Variants in ROR2 observed in about 807,000 individuals in gnomAD.
ROR2 encodes ROR family WNT receptor 2, also known as tyrosine-protein kinase transmembrane receptor ROR2.
ROR2 carries 33 observed loss-of-function variants against 74.9 expected under a neutral mutation model. That is an observed-to-expected ratio of 0.44 (90% CI 0.33 to 0.59). The LOEUF is 0.59. Ranked by LOEUF, ROR2 falls within the 20% of genes least tolerant of loss-of-function variation. The probability of loss-of-function intolerance (pLI) is 0.02; values close to 1 mark genes in which losing one functional copy is unlikely to be tolerated. For synonymous variants in ROR2, 586 were observed against 558.7 expected, an observed-to-expected ratio of 1.05 and a Z score of -0.69; for missense variants, 1,216 against 1,313.8, an observed-to-expected ratio of 0.93 and a Z score of 1.15.
At chr9:91,776,390 C>T (rs1190026026) in intron 1 of ROR2, among the ~76,000 whole-genome samples, 1 of 152,184 alleles carries the variant, frequency 6.6e-6, no homozygotes, top group African/African-American at 2.4e-5. Flanking sequence ...TTACCCGTCC[C>T]CAAAAGCCAA....
At position 91,798,396 on chromosome 9, in the gene ROR2, G is replaced by A. The variant is rs114237636; in HGVS notation, c.98-22578C>T. Among the ~76,000 whole-genome samples, 65 of 114,368 alleles carry A rather than the reference G, an allele frequency of 5.7e-4. 3 individuals carry two copies. The highest frequency in any genetic ancestry group is 2.5e-3 in the African/African-American group (61 of 24,724). The allele number at this position is 114,368 out of a possible 152,430, so 75.0% of individuals were successfully genotyped here. ...GGAATGACACCCTGGGCTAGTGGGCGGGGCTGACACCCTGGGCTCTGTGGG... is the reference window on the plus strand; with the variant it reads ...GGAATGACACCCTGGGCTAGTGGGCAGGGCTGACACCCTGGGCTCTGTGGG... On this transcript the variant is annotated intron_variant, in intron 1 of 8. Transcript: ENST00000375708.
At chr9:91,892,158 G>C (rs1026866200) in intron 1 of ROR2, among the ~76,000 whole-genome samples, 6 of 151,852 alleles carry the variant, frequency 4.0e-5, no homozygotes, top group Non-Finnish European at 8.8e-5. Context: ...AAGGGCTCCT[G>C]TGATGAAGCC....
chr9:91,795,015 C>T (rs1237885113), intron 1 of ROR2, among the ~76,000 whole-genome samples: 2 of 150,282 alleles, frequency 1.3e-5, no homozygotes, highest in African/African-American at 2.4e-5. Context: ...CCAGCTACTC[C>T]GGAGGTTGAG....
At chr9:91,887,352 A>G (rs1461340358) in intron 1 of ROR2, among the ~76,000 whole-genome samples, 1 of 152,208 alleles carries the variant, frequency 6.6e-6, no homozygotes, top group Non-Finnish European at 1.5e-5. Flanking sequence ...TTATATTAAT[A>G]TAGTACTTCC....
chr9:91,894,435 C>T (rs575748436), intron 1 of ROR2, among the ~76,000 whole-genome samples: 35 of 152,246 alleles, frequency 2.3e-4, no homozygotes, highest in African/African-American at 8.2e-4. Flanking sequence ...CATATAAATT[C>T]CTATTTCTTG....
At chr9:91,943,545 T>G (rs963724089) in intron 1 of ROR2, among the ~76,000 whole-genome samples, 1 of 152,136 alleles carries the variant, frequency 6.6e-6, no homozygotes, top group Non-Finnish European at 1.5e-5. Context: ...ACACTTCTTA[T>G]CTGTCTAATC....
At chr9:91,746,264 A>G (rs1473763141) in intron 4 of ROR2, among the ~76,000 whole-genome samples, 1 of 152,042 alleles carries the variant, frequency 6.6e-6, no homozygotes, top group Non-Finnish European at 1.5e-5. Flanking sequence ...TTTAGTAGAA[A>G]GAGGGTTTCA....
chr9:91,832,106 TC>T (rs2119187500), intron 1 of ROR2, among the ~76,000 whole-genome samples: 1 of 152,006 alleles, frequency 6.6e-6, no homozygotes, highest in African/African-American at 2.4e-5. Flanking sequence ...GGAATGGAGA[TC>T]CCCTAATGAA....
At chr9:91,842,613 T>C (rs2119220219) in intron 1 of ROR2, among the ~76,000 whole-genome samples, 1 of 152,374 alleles carries the variant, frequency 6.6e-6, no homozygotes, top group South Asian at 2.1e-4. Context: ...ACAGCTTCTC[T>C]GCCTCTGAGG....
chr9:91,870,952 C>T (rs142717396), intron 1 of ROR2, among the ~76,000 whole-genome samples: 149 of 152,342 alleles, frequency 9.8e-4, no homozygotes, highest in African/African-American at 3.1e-3. Flanking sequence ...AAAACATAAA[C>T]GCAAAGAACT....
intron 1 of ROR2, among the ~76,000 whole-genome samples, chr9:91,928,154 T>C (rs543843583): frequency 6.6e-6 from 1 of 152,182 alleles, no homozygotes; most frequent in East Asian, 1.9e-4. Flanking sequence ...CTTGGCCCTA[T>C]GTGACCCCAG....
chr9:91,822,371 T>C (rs748275578), intron 1 of ROR2, among the ~76,000 whole-genome samples: 1 of 152,134 alleles, frequency 6.6e-6, no homozygotes, highest in African/African-American at 2.4e-5. Context: ...TGAGCTGGGG[T>C]ACCTCACTGT....
intron 1 of ROR2, among the ~76,000 whole-genome samples, chr9:91,852,983 A>T (rs1829155368): frequency 1.3e-5 from 2 of 152,172 alleles, no homozygotes; most frequent in Admixed American, 1.3e-4. Context: ...CTGTGAGCAC[A>T]CTCCAGAAAG....
chr9:91,950,068 G>C lies in ROR2; in HGVS notation c.-105C>G. ...ATGCGTCCGCTCCTCCTTCTCCCTGGCGCTTCGCAAACGGGTCCACTTCGA... is the reference window on the plus strand; with the variant it reads ...ATGCGTCCGCTCCTCCTTCTCCCTGCCGCTTCGCAAACGGGTCCACTTCGA... On this transcript the variant is annotated 5_prime_UTR_variant, in exon 1 of 9. Transcript: ENST00000375708. 1 of 522,222 alleles carries C rather than the reference G, an allele frequency of 1.9e-6. No individual in the cohort carries two copies. Among genetic ancestry groups the C allele is most frequent in the Admixed American group, 4.4e-5 (1 of 22,704 alleles). The allele number at this position is 522,222 out of a possible 1,614,324, so 32.3% of individuals were successfully genotyped here.
At chr9:91,739,838 T>C (rs1366053174) in intron 4 of ROR2, among the ~76,000 whole-genome samples, 1 of 152,230 alleles carries the variant, frequency 6.6e-6, no homozygotes, top group African/African-American at 2.4e-5. Flanking sequence ...TGGAGTTAAC[T>C]GCTGATTAGA....
intron 1 of ROR2, among the ~76,000 whole-genome samples, chr9:91,794,414 C>G (rs1180325180): frequency 6.6e-6 from 1 of 152,190 alleles, no homozygotes; most frequent in Non-Finnish European, 1.5e-5. Context: ...GTAAGTAAAG[C>G]AAGGTGAGAA....
At chr9:91,731,713 A>T (rs1837249767) in intron 6 of ROR2, among the ~76,000 whole-genome samples, 1 of 152,144 alleles carries the variant, frequency 6.6e-6, no homozygotes, top group Non-Finnish European at 1.5e-5. Flanking sequence ...TCAGGAGTTC[A>T]AGACCAGCCT....
chr9:91,890,464 G>A (rs1484875682), intron 1 of ROR2, among the ~76,000 whole-genome samples: 2 of 152,164 alleles, frequency 1.3e-5, no homozygotes, highest in Non-Finnish European at 2.9e-5. Context: ...TCTTCTCGTA[G>A]ACGCTGCACT....
chr9:91,915,078 C>T (rs74829833), intron 1 of ROR2, among the ~76,000 whole-genome samples: 2,591 of 152,186 alleles, frequency 0.017, 72 homozygotes, highest in African/African-American at 0.059. Context: ...ACAGCAGGGG[C>T]GGCTCCGTAC....
Sources: allele counts gnomAD v4.1 joint callset (sites outside exome capture counted in the v4.1 genomes callset), GRCh38; gene constraint gnomAD v4.1.1; transcripts MANE v1.5; gene names NCBI Gene and HGNC (gene_info 2026-07-23, HGNC 2026-07-21).